HCRTR2: variants seen among roughly 807,000 people sequenced by gnomAD.
The protein encoded by HCRTR2 is orexin receptor type 2.
HCRTR2 carries 22 observed loss-of-function variants against 49.0 expected under a neutral mutation model. The ratio of observed to expected loss-of-function variants is 0.45; its 90% CI spans 0.32 to 0.64. HCRTR2 has a LOEUF of 0.64. Among genes scored for constraint, HCRTR2 ranks in the 30% least tolerant of loss-of-function variants. The pLI, the probability that HCRTR2 is intolerant of heterozygous loss-of-function variation, is 0.04. For synonymous variants in HCRTR2, 236 were observed against 205.3 expected (o/e 1.15, Z -1.28); for missense variants, 491 against 559.4 (o/e 0.88, Z 1.23).
chr6:55,224,472 A>T (rs948780069), intron 1 of HCRTR2, among the ~76,000 whole-genome samples: 5 of 152,018 alleles, frequency 3.3e-5, no homozygotes, highest in African/African-American at 1.2e-4. Flanking sequence ...ATACAAAAAA[A>T]ATTAGCCGGG....
At chr6:55,190,959 C>T (rs1765305217) in intron 1 of HCRTR2, among the ~76,000 whole-genome samples, 1 of 152,032 alleles carries the variant, frequency 6.6e-6, no homozygotes, top group Non-Finnish European at 1.5e-5. Context: ...AATTGACAAG[C>T]CAAGTAGTTT....
At chr6:55,175,134 T>G (rs1027571408) in intron 1 of HCRTR2, among the ~76,000 whole-genome samples, 5 of 151,572 alleles carry the variant, frequency 3.3e-5, no homozygotes, top group South Asian at 2.1e-4. Flanking sequence ...TGTGTGTGTG[T>G]GGGTGGGTAG....
chr6:55,159,956 G>A (rs1764783212), intron 1 of HCRTR2, among the ~76,000 whole-genome samples: 2 of 152,086 alleles, frequency 1.3e-5, no homozygotes, highest in Non-Finnish European at 2.9e-5. Flanking sequence ...TAGCAAGACA[G>A]GCCAACATTT....
At chr6:55,181,131 G>A (rs969073792) in intron 1 of HCRTR2, among the ~76,000 whole-genome samples, 7 of 148,620 alleles carry the variant, frequency 4.7e-5, no homozygotes, top group African/African-American at 9.9e-5. Flanking sequence ...CTATATCACC[G>A]GACAGTGTTC....
intron 1 of HCRTR2, among the ~76,000 whole-genome samples, chr6:55,203,801 C>T (rs551586947): frequency 1.3e-5 from 2 of 151,176 alleles, no homozygotes; most frequent in African/African-American, 2.4e-5. Context: ...ATTAGTGGCA[C>T]GAAAGACAGA....
chr6:55,110,417 A>C (rs749099296), intron 1 of HCRTR2, among the ~76,000 whole-genome samples: 17 of 152,140 alleles, frequency 1.1e-4, no homozygotes, highest in Non-Finnish European at 2.2e-4. Context: ...GGCTCTACTT[A>C]AAAGATACAG....
intron 5 of HCRTR2, among the ~76,000 whole-genome samples, chr6:55,279,520 A>AACACACACAC (rs34736199): frequency 0.047 from 6,748 of 142,676 alleles, 221 homozygotes; most frequent in African/African-American, 0.082. Context: ...TTCTTGCTGT[A>AACACACACAC]ACACACACAC....
chr6:55,192,060 AT>A (rs891516581), intron 1 of HCRTR2, among the ~76,000 whole-genome samples: 2 of 152,006 alleles, frequency 1.3e-5, no homozygotes, highest in Non-Finnish European at 2.9e-5. Flanking sequence ...GTAAGTCTAA[AT>A]TTTTTTTCTA....
chr6:55,265,004 G>A (rs1766836249), intron 4 of HCRTR2, among the ~76,000 whole-genome samples: 1 of 151,952 alleles, frequency 6.6e-6, no homozygotes, highest in African/African-American at 2.4e-5. Context: ...CTGGATATGA[G>A]CAACACTCAT....
chr6:55,185,098 TCA>T (rs1176598773), intron 1 of HCRTR2, among the ~76,000 whole-genome samples: 1 of 152,222 alleles, frequency 6.6e-6, no homozygotes, highest in African/African-American at 2.4e-5. Context: ...TTAAACCGAA[TCA>T]ACTTTTTATT....
intron 1 of HCRTR2, among the ~76,000 whole-genome samples, chr6:55,139,503 C>A (rs1444477996): frequency 1.3e-5 from 2 of 152,142 alleles, no homozygotes; most frequent in Non-Finnish European, 2.9e-5. Context: ...AGCTTTGTGA[C>A]TTTATTTGGT....
chr6:55,215,688 G>C (rs1055471522), intron 1 of HCRTR2, among the ~76,000 whole-genome samples: 3 of 152,190 alleles, frequency 2.0e-5, no homozygotes, highest in Non-Finnish European at 4.4e-5. Context: ...ATGTGTGGAG[G>C]GGAGAAGTCA....
intron 1 of HCRTR2, among the ~76,000 whole-genome samples, chr6:55,179,148 A>G (rs1765089241): frequency 6.6e-6 from 1 of 152,146 alleles, no homozygotes; most frequent in Non-Finnish European, 1.5e-5. Context: ...TAGAATTGCA[A>G]GTTCATGTTA....
At chr6:55,189,866 T>C (rs1256878858) in intron 1 of HCRTR2, among the ~76,000 whole-genome samples, 1 of 152,142 alleles carries the variant, frequency 6.6e-6, no homozygotes, top group Non-Finnish European at 1.5e-5. Flanking sequence ...ATGGGAAATA[T>C]GTAATATATA....
intron 1 of HCRTR2, among the ~76,000 whole-genome samples, chr6:55,128,918 T>C (rs577197345): frequency 4.1e-4 from 63 of 152,228 alleles, no homozygotes; most frequent in African/African-American, 1.3e-3. Flanking sequence ...ATGTTAAGTA[T>C]TCCATGCACC....
At chr6:55,176,818 C>T (rs539356394) in intron 1 of HCRTR2, among the ~76,000 whole-genome samples, 21 of 152,292 alleles carry the variant, frequency 1.4e-4, no homozygotes, top group African/African-American at 4.3e-4. Context: ...TCTGCATCAA[C>T]GCCCACTGCC....
chr6:55,206,580 G>A (rs914693860), intron 1 of HCRTR2, among the ~76,000 whole-genome samples: 1 of 151,812 alleles, frequency 6.6e-6, no homozygotes, highest in African/African-American at 2.4e-5. Flanking sequence ...GCGAAAAATA[G>A]CATCTACCTA....
intron 4 of HCRTR2, among the ~76,000 whole-genome samples, chr6:55,266,561 G>A (rs557728797): frequency 6.6e-6 from 1 of 152,040 alleles, no homozygotes; most frequent in Admixed American, 6.6e-5. Context: ...GATTTTGTTG[G>A]GGAATGTTCA....
At chr6:55,232,600 A>C (rs1766136561) in intron 1 of HCRTR2, among the ~76,000 whole-genome samples, 1 of 152,228 alleles carries the variant, frequency 6.6e-6, no homozygotes, top group Admixed American at 6.5e-5. Flanking sequence ...AAATTTGTTA[A>C]ATATTCAGAG....
Sources: gnomAD v4.1 joint callset for allele counts (sites outside exome capture counted in the v4.1 genomes callset) on GRCh38, gnomAD v4.1.1 for gene constraint, MANE v1.5 for transcripts, NCBI Gene and HGNC (gene_info 2026-07-23, HGNC 2026-07-21) for gene names.